The following CLEC12A variants were observed in gnomAD, a reference collection of about 807,000 sequenced individuals.
The protein encoded by CLEC12A is C-type lectin protein CLL-1.
A neutral mutation model predicts 26.5 loss-of-function variants in CLEC12A; 22 were observed. The ratio of observed to expected loss-of-function variants is 0.83; its 90% CI spans 0.59 to 1.19. The LOEUF (loss-of-function observed/expected upper bound fraction) is 1.19, where lower values mean the gene tolerates loss of function less well. Among genes scored for constraint, CLEC12A ranks in the 50% most tolerant of loss-of-function variants. CLEC12A has a pLI of 0.00. For synonymous variants in CLEC12A, 119 were observed against 101.9 expected (o/e 1.17, Z -1.01); for missense variants, 353 against 315.6 (o/e 1.12, Z -0.90).
At chr12:10,001,482 C>T in the CLEC12A span, among the ~76,000 whole-genome samples, 1 of 152,196 alleles carries the variant, frequency 6.6e-6, no homozygotes. Context: ...TATATCTTAT[C>T]TGTGTTCCAC....
chr12:9,988,872 C>CA (rs1249831484), downstream of CLEC12A, among the ~76,000 whole-genome samples: 1 of 152,124 alleles, frequency 6.6e-6, no homozygotes, highest in African/African-American at 2.4e-5. Context: ...GGTATATACC[C>CA]AAAGGATTAT....
chr12:9,951,482 C>T, intron 1 of CLEC12A: 1 of 687,968 alleles, frequency 1.5e-6, no homozygotes, highest in South Asian at 1.5e-5. Flanking sequence ...CTGACTGTTC[C>T]AGTTCAGACA....
At chr12:9,957,976 C>G (rs1863770174) in intron 1 of CLEC12A, among the ~76,000 whole-genome samples, 1 of 152,194 alleles carries the variant, frequency 6.6e-6, no homozygotes. Context: ...GTGGGTCTGT[C>G]TGAACTCAGA....
chr12:9,951,519 ATG>A, intron 1 of CLEC12A: 2 of 634,816 alleles, frequency 3.2e-6, no homozygotes, highest in Non-Finnish European at 5.8e-6. Context: ...GTAATTGAGT[ATG>A]TGTCTGGATA....
At chr12:9,987,680 C>T (rs1412438634), downstream of CLEC12A, among the ~76,000 whole-genome samples, 1 of 152,184 alleles carries the variant, frequency 6.6e-6, no homozygotes, top group Non-Finnish European at 1.5e-5. Context: ...GGGCTTACAA[C>T]TACCTTCCAT....
intron 1 of CLEC12A, among the ~76,000 whole-genome samples, chr12:9,956,500 T>G (rs1863742930): frequency 6.6e-6 from 1 of 152,172 alleles, no homozygotes; most frequent in African/African-American, 2.4e-5. Flanking sequence ...CAAGTTGTTT[T>G]GGGACCTCAA....
At chr12:9,994,260 T>C (rs918980425) in intron 4 of CLEC12A, among the ~76,000 whole-genome samples, 1 of 151,954 alleles carries the variant, frequency 6.6e-6, no homozygotes, top group African/African-American at 2.4e-5. Flanking sequence ...GTTGGAAGAA[T>C]GTAAAGAACA....
At chr12:9,997,089 T>G, downstream of CLEC12A, 1 of 1,608,736 alleles carries the variant, frequency 6.2e-7, no homozygotes, top group Non-Finnish European at 8.5e-7. Context: ...GATCTCAAAC[T>G]CCCTTCAGTT....
the CLEC12A span, among the ~76,000 whole-genome samples, chr12:10,001,601 T>C: frequency 3.3e-5 from 5 of 152,222 alleles, no homozygotes; most frequent in Non-Finnish European, 5.9e-5. Context: ...TAGCCCTTGA[T>C]AACATTGAGT....
At chr12:9,965,051 G>A (rs1863906003) in intron 1 of CLEC12A, among the ~76,000 whole-genome samples, 1 of 152,166 alleles carries the variant, frequency 6.6e-6, no homozygotes, top group Non-Finnish European at 1.5e-5. Flanking sequence ...CGTCAGGTGG[G>A]AGAAAGAAAA....
intron 1 of CLEC12A, among the ~76,000 whole-genome samples, chr12:9,964,185 C>T (rs111651506): frequency 0.018 from 2,746 of 152,124 alleles, 78 homozygotes; most frequent in African/African-American, 0.058. Flanking sequence ...AGCTTGCTGA[C>T]GTGAAATGTC....
chr12:9,957,149 A>G (rs535748063), intron 1 of CLEC12A, among the ~76,000 whole-genome samples: 4 of 152,286 alleles, frequency 2.6e-5, no homozygotes, highest in South Asian at 2.1e-4. Context: ...GAGGGCTTCA[A>G]TATTTAAAGG....
chr12:10,003,833 T>G, the CLEC12A span, among the ~76,000 whole-genome samples: 3 of 152,164 alleles, frequency 2.0e-5, no homozygotes, highest in Non-Finnish European at 2.9e-5. Context: ...GAAGGTTCAC[T>G]TGAGCCCAGG....
chr12:9,995,683 C>A (rs1865026816), exon 5 of CLEC12A: 2 of 235,376 alleles, frequency 8.5e-6, no homozygotes, highest in Non-Finnish European at 8.4e-6. Flanking sequence ...TAAAATCTTA[C>A]ATATGGAAGT....
chr12:9,968,384 T>TA (rs140262690), upstream of CLEC12A, among the ~76,000 whole-genome samples: 87,191 of 151,432 alleles, frequency 0.58, 25,398 homozygotes, highest in South Asian at 0.72. Flanking sequence ...CGAAGGGAGA[T>TA]GGGGTGGGGC....
chr12:9,987,779 G>T (rs979496898), downstream of CLEC12A, among the ~76,000 whole-genome samples: 2 of 151,656 alleles, frequency 1.3e-5, no homozygotes, highest in African/African-American at 4.8e-5. Context: ...TTTAGCCCCA[G>T]ATCATTTTAC....
downstream of CLEC12A, among the ~76,000 whole-genome samples, chr12:9,996,517 G>A (rs4764177): frequency 0.26 from 38,107 of 149,214 alleles, 5,600 homozygotes; most frequent in Non-Finnish European, 0.32. Context: ...CACAGAAACA[G>A]TAAGTGGACA....
chr12:9,976,991 G>C (rs773991254), intron 1 of CLEC12A, among the ~76,000 whole-genome samples: 2 of 151,626 alleles, frequency 1.3e-5, no homozygotes, highest in Non-Finnish European at 2.9e-5. Context: ...CCAGCCGCGT[G>C]AAACTGTGAA....
chr12:9,965,998 T>C (rs981449992), intron 1 of CLEC12A, among the ~76,000 whole-genome samples: 22 of 152,142 alleles, frequency 1.4e-4, no homozygotes, highest in Admixed American at 5.9e-4. Context: ...GGCTGTAGCC[T>C]AGGAATAGTT....
Sources: gnomAD v4.1 joint callset for allele counts (sites outside exome capture counted in the v4.1 genomes callset) on GRCh38, gnomAD v4.1.1 for gene constraint, MANE v1.5 for transcripts, NCBI Gene and HGNC (gene_info 2026-07-23, HGNC 2026-07-21) for gene names.